The following CRADD variants were observed in gnomAD, a reference collection of about 807,000 sequenced individuals.
CRADD encodes the protein CARD and death domain containing adaptor protein, also known as death domain-containing protein CRADD.
In CRADD, 9 loss-of-function variants were observed where a neutral mutation model predicts 15.5. The observed-to-expected ratio is 0.58, with a 90% CI of 0.35 to 1.01. The LOEUF is 1.01. Ranked by LOEUF, CRADD falls within the 50% of genes least tolerant of loss-of-function variation. The pLI is 0.02. For missense variants in CRADD, 227 were observed against 250.3 expected, an observed-to-expected ratio of 0.91 and a Z score of 0.63; for synonymous variants, 118 against 107.6, an observed-to-expected ratio of 1.10 and a Z score of -0.60.
chr12:93,678,885 G>C lies in CRADD; in HGVS notation c.111G>C (p.Thr37=). The C allele has an allele frequency of 1.9e-6, 3 of 1,614,148 alleles. No homozygotes were observed. In the South Asian group the frequency reaches 3.3e-5, roughly 18 times the overall value. ...LQYLYQEGIL[T]ENHIQEINAQ... is the part of the protein sequence containing the mutation. ...ACCTCTACCAGGAAGGAATCTTGAC[G>C]GAAAACCATATTCAAGAAATCAATG... The change falls in exon 2 of 3, where the codon ACG becomes ACC. Residue 37 remains threonine (T), a synonymous_variant. Coordinates refer to ENST00000332896, the MANE Select transcript of CRADD (RefSeq NM_003805.5).
At chr12:93,687,337 C>G (rs1955461556) in intron 2 of CRADD, among the ~76,000 whole-genome samples, 1 of 152,180 alleles carries the variant, frequency 6.6e-6, no homozygotes, top group Admixed American at 6.5e-5. Context: ...GCATCAGACA[C>G]TGTATTGAAC....
At chr12:93,776,044 A>G (rs1957137071) in intron 2 of CRADD, among the ~76,000 whole-genome samples, 1 of 152,228 alleles carries the variant, frequency 6.6e-6, no homozygotes, top group Admixed American at 6.5e-5. Flanking sequence ...GAAATTTTAT[A>G]TGGACATTCA....
chr12:93,727,470 C>T (rs1194489490), intron 2 of CRADD, among the ~76,000 whole-genome samples: 1 of 152,210 alleles, frequency 6.6e-6, no homozygotes, highest in Non-Finnish European at 1.5e-5. Context: ...TCAGCTTTCA[C>T]TTGCTTTGTT....
chr12:93,827,929 G>T (rs1400732110), intron 2 of CRADD, among the ~76,000 whole-genome samples: 1 of 152,072 alleles, frequency 6.6e-6, no homozygotes, highest in East Asian at 1.9e-4. Flanking sequence ...ACTATTCTCC[G>T]TTTCTATGAG....
chr12:93,744,145 C>T (rs1956720364), intron 2 of CRADD, among the ~76,000 whole-genome samples: 1 of 152,158 alleles, frequency 6.6e-6, no homozygotes, highest in South Asian at 2.1e-4. Context: ...CACAGGATGG[C>T]TCTCCTGGCT....
intron 2 of CRADD, among the ~76,000 whole-genome samples, chr12:93,738,841 GA>G (rs1349032003): frequency 6.6e-6 from 1 of 152,020 alleles, no homozygotes; most frequent in East Asian, 1.9e-4. Context: ...GAAGGAAAGA[GA>G]GGGAGAGAGA....
intron 2 of CRADD, among the ~76,000 whole-genome samples, chr12:93,685,346 A>G (rs1205447710): frequency 7.2e-5 from 11 of 152,194 alleles, no homozygotes; most frequent in Admixed American, 7.2e-4. Context: ...GATGGGTGGA[A>G]TAAGTTCTAA....
At chr12:93,738,884 A>G (rs1460625448) in intron 2 of CRADD, among the ~76,000 whole-genome samples, 8 of 152,200 alleles carry the variant, frequency 5.3e-5, no homozygotes, top group Admixed American at 5.2e-4. Flanking sequence ...GAAGAAAGTG[A>G]AAGAAGAAAG....
chr12:93,800,020 A>C (rs1957459793), intron 2 of CRADD, among the ~76,000 whole-genome samples: 1 of 152,202 alleles, frequency 6.6e-6, no homozygotes, highest in African/African-American at 2.4e-5. Context: ...AACAGACTTG[A>C]TAGTAGATAG....
chr12:93,703,144 T>TTTGTG (rs1955872882), intron 2 of CRADD, among the ~76,000 whole-genome samples: 1 of 152,146 alleles, frequency 6.6e-6, no homozygotes, highest in Non-Finnish European at 1.5e-5. Context: ...AAAGACTGAT[T>TTTGTG]ACCTTCCAAA....
intron 2 of CRADD, among the ~76,000 whole-genome samples, chr12:93,751,874 C>G (rs553607913): frequency 1.8e-4 from 27 of 152,212 alleles, no homozygotes; most frequent in African/African-American, 6.3e-4. Flanking sequence ...AAAACACAAA[C>G]AAAAAATCCT....
intron 2 of CRADD, among the ~76,000 whole-genome samples, chr12:93,784,764 C>T (rs1161158244): frequency 6.6e-6 from 1 of 152,122 alleles, no homozygotes; most frequent in Non-Finnish European, 1.5e-5. Flanking sequence ...GCCTGGCTAC[C>T]TTGCAAGACG....
At chr12:93,849,839 A>C in intron 2 of CRADD, 131 bp from the exon 3 acceptor site, 1 of 673,974 alleles carries the variant, frequency 1.5e-6, no homozygotes, top group East Asian at 2.7e-5. Flanking sequence ...AGCCCCCAGG[A>C]AGAAGACAAG....
At chr12:93,807,816 T>C (rs1957557646) in intron 2 of CRADD, among the ~76,000 whole-genome samples, 1 of 151,484 alleles carries the variant, frequency 6.6e-6, no homozygotes, top group Non-Finnish European at 1.5e-5. Flanking sequence ...CAGCAAGTAT[T>C]TATCGGGTGC....
chr12:93,718,168 A>C (rs1049796484), intron 2 of CRADD, among the ~76,000 whole-genome samples: 1 of 152,138 alleles, frequency 6.6e-6, no homozygotes, highest in Non-Finnish European at 1.5e-5. Flanking sequence ...TTTTGCCTCT[A>C]TATATAAACT....
chr12:93,855,837 G>C (rs917965392), intron 2 of CRADD, among the ~76,000 whole-genome samples: 1 of 151,690 alleles, frequency 6.6e-6, no homozygotes, highest in African/African-American at 2.4e-5. Context: ...TTTCTTTTTT[G>C]AGACGGAGTC....
chr12:93,738,585 C>A, intron 2 of CRADD: 1 of 647,278 alleles, frequency 1.5e-6, no homozygotes, highest in Non-Finnish European at 2.8e-6. Flanking sequence ...CACCGCCACC[C>A]CCTGCACCAC....
chr12:93,867,597 T>C (rs2137063866), intron 2 of CRADD, among the ~76,000 whole-genome samples: 1 of 152,102 alleles, frequency 6.6e-6, no homozygotes, highest in East Asian at 1.9e-4. Context: ...GGGATATGGT[T>C]CAACTGAAAT....
chr12:93,678,647 C>G, intron 1 of CRADD, 122 bp from the exon 2 acceptor site: 2 of 972,684 alleles, frequency 2.1e-6, no homozygotes, highest in Non-Finnish European at 3.0e-6. Context: ...AATACCATGA[C>G]CTGGCAGTCT....
Sources: allele counts gnomAD v4.1 joint callset (sites outside exome capture counted in the v4.1 genomes callset), GRCh38; gene constraint gnomAD v4.1.1; transcripts MANE v1.5; gene names NCBI Gene and HGNC (gene_info 2026-07-23, HGNC 2026-07-21).